KRT78: variants seen among roughly 807,000 people sequenced by gnomAD.
KRT78 encodes the protein keratin, type II cytoskeletal 78.
In KRT78, 55 loss-of-function variants were observed where a neutral mutation model predicts 51.4. The observed-to-expected ratio is 1.07, with a 90% CI of 0.86 to 1.34. The LOEUF is 1.34. Ranked by LOEUF, KRT78 falls within the 40% of genes most tolerant of loss-of-function variation. KRT78 has a pLI of 0.00. For synonymous variants in KRT78, 291 were observed against 264.3 expected (o/e 1.10, Z -0.98); for missense variants, 652 against 649.4 (o/e 1.00, Z -0.04).
chr12:52,847,777 G>A (rs1035880633), intron 2 of KRT78, 130 bp downstream of exon 2: 5 of 724,318 alleles, frequency 6.9e-6, no homozygotes, highest in Non-Finnish European at 6.9e-6. Flanking sequence ...TGGGGACGCG[G>A]AGGGGTAGAG....
Position 52,848,649 on chromosome 12 carries a change from G to A in KRT78, c.282C>T (p.Thr94=). 6.2e-7 allele frequency: 1 copy of A among 1,613,942 alleles called. No homozygotes were observed. The highest frequency in any genetic ancestry group is 8.5e-7 in the Non-Finnish European group (1 of 1,179,928). ...QEVTINQNLL[T]PLKIEIDPQF... is the part of the protein sequence containing the mutation. ...GGGGATCGATCTCAATCTTCAGTGG[G>A]GTCAGCAGATTCTGGTTGATGGTCA... The change falls in exon 1 of 9, where the codon ACC becomes ACT. Residue 94 remains threonine (T), a synonymous_variant. Transcript: ENST00000304620.
intron 6 of KRT78, among the ~76,000 whole-genome samples, chr12:52,843,394 A>G (rs139182134): frequency 7.1e-6 from 1 of 139,988 alleles, no homozygotes; most frequent in African/African-American, 2.7e-5. Flanking sequence ...GAGAAAGAAA[A>G]AGAAAAGAAA....
rs764230707 is a variant in KRT78, at chr12:52,844,134, T to G, written c.1006A>C (p.Ile336Leu). The G allele has an allele frequency of 6.2e-7, 1 of 1,612,520 alleles. No individual in the cohort carries two copies. The highest frequency in any genetic ancestry group is 1.3e-5 in the African/African-American group (1 of 74,714). Reference sequence around the variant, plus strand: ...TCAGTCTGACTCTGCAGCCTCTGAATCTCTTGGTGTAGCTGAGAGATCTGG... The same window carrying G: ...TCAGTCTGACTCTGCAGCCTCTGAAGCTCTTGGTGTAGCTGAGAGATCTGG... ...KVQISQLHQE[I>L]QRLQSQTENL... Residue 336 changes from isoleucine to leucine, a missense_variant, in exon 6 of 9, where the codon ATT (isoleucine) becomes CTT (leucine). By Grantham distance (5) the Ile-to-Leu change is conservative. Coordinates refer to ENST00000304620, the MANE Select transcript of KRT78 (RefSeq NM_173352.4).
intron 6 of KRT78, 32 bp downstream of exon 6, chr12:52,844,061 G>A: frequency 6.2e-7 from 1 of 1,610,454 alleles, no homozygotes; most frequent in Non-Finnish European, 8.5e-7. Flanking sequence ...CAAAGGCAAT[G>A]AGAGGACATT....
chr12:52,844,306 C>A lies in KRT78; in HGVS notation c.922-88G>T, dbSNP rs112839458. The stretch of plus-strand genomic sequence containing the variant: ...ATGTTTGAAAAGCCACCTCTCACTC[C>A]TTATTTGGAGTGTGGGTTAAACGCC... On this transcript the variant is annotated intron_variant, in intron 5 of 8. Coordinates refer to ENST00000304620, the MANE Select transcript of KRT78 (RefSeq NM_173352.4). 1.6e-5 allele frequency: 23 copies of A among 1,463,264 alleles called. No individual in the cohort carries two copies. The South Asian group carries it at 3.1e-4, about 20-fold the overall frequency. The allele number at this position is 1,463,264 out of a possible 1,614,324, so 90.6% of individuals were successfully genotyped here.
chr12:52,848,082 T>G lies in KRT78; in HGVS notation c.424A>C (p.Lys142Gln). 6.2e-7 allele frequency: 1 copy of G among 1,614,152 alleles called. No homozygotes were observed. Among genetic ancestry groups the G allele is most frequent in the Non-Finnish European group, 8.5e-7 (1 of 1,180,022 alleles). The change falls in exon 2 of 9, where the codon AAG becomes CAG. Residue 142 changes from lysine to glutamine, a missense_variant. Coordinates refer to ENST00000304620, the MANE Select transcript of KRT78 (RefSeq NM_173352.4). The part of the protein sequence containing the change: ...LEQQNKVLET[K>Q]WHLLQQQGLS... ...CCCTGTTGCTGCAGCAGATGCCACT[T>G]CGTCTCCAGGACCTTGTTCTGCTGC...
intron 6 of KRT78, among the ~76,000 whole-genome samples, chr12:52,843,812 C>A (rs1592145320): frequency 6.6e-6 from 1 of 152,260 alleles, no homozygotes; most frequent in East Asian, 1.9e-4. Flanking sequence ...ACATAGGCTA[C>A]AATGCTGTCA....
Position 52,848,763 on chromosome 12 carries a change from C to T in KRT78, c.168G>A (p.Trp56Ter), listed in dbSNP as rs200151663. Reference sequence around the variant, plus strand: ...GCACCCCCAGCCTACCCCCTGACCCCCAGGTACTCCCACGAGAGCCTTCCA... The same window carrying T: ...GCACCCCCAGCCTACCCCCTGACCCTCAGGTACTCCCACGAGAGCCTTCCA... ...GCLEGSRGST[W>*]GSGGRLGVRF... The change falls in exon 1 of 9, where the codon TGG becomes TGA. Residue 56 changes from tryptophan to a stop codon, truncating the protein, a stop_gained. Coordinates refer to ENST00000304620, the MANE Select transcript of KRT78 (RefSeq NM_173352.4). LOFTEE classifies it high-confidence loss of function. 1.9e-6 allele frequency: 3 copies of T among 1,612,090 alleles called. No homozygotes were observed.
chr12:52,847,843 CA>C, intron 2 of KRT78, 63 bp downstream of exon 2: 1 of 1,476,994 alleles, frequency 6.8e-7, no homozygotes, highest in Non-Finnish European at 9.4e-7. Flanking sequence ...TCCTGGCTGA[CA>C]GACCCAAACT....
intron 6 of KRT78, among the ~76,000 whole-genome samples, chr12:52,843,550 C>G (rs1449513840): frequency 6.7e-6 from 1 of 148,894 alleles, no homozygotes; most frequent in Non-Finnish European, 1.5e-5. Flanking sequence ...ATTAGCCAAG[C>G]ATGGTGGCAC....
chr12:52,842,959 G>GAGAGAGAGAAAGGAAGGAAGGA (rs1299063277), intron 6 of KRT78, among the ~76,000 whole-genome samples: 2 of 53,760 alleles, frequency 3.7e-5, no homozygotes, highest in African/African-American at 1.2e-4. Flanking sequence ...GAGAGAGAGA[G>GAGAGAGAGAAAGGAAGGAAGGA]AGGAAGGAAG....
chr12:52,839,774 C>T lies in KRT78; in HGVS notation c.1258G>A (p.Glu420Lys), dbSNP rs780356017. 24 of 1,613,864 alleles carry T rather than the reference C, an allele frequency of 1.5e-5. No individual in the cohort carries two copies. Among genetic ancestry groups the T allele is most frequent in the Non-Finnish European group, 1.9e-5 (23 of 1,180,016 alleles). The change falls in exon 7 of 9, where the codon GAG becomes AAG. Residue 420 changes from glutamate to lysine, a missense_variant. By Grantham distance (56) the Glu-to-Lys change is moderately conservative. Coordinates refer to ENST00000304620, the MANE Select transcript of KRT78 (RefSeq NM_173352.4). ...CCAAGCCTCCCTCACCTGCACTCCT[C>T]GCCCTCCAGCAGCCTGCGGTAAGTG... ...IATYRRLLEG[E>K]ECRMSGECTS...
intron 6 of KRT78, among the ~76,000 whole-genome samples, chr12:52,841,486 CAAAAAAA>C (rs56956757): frequency 2.0e-5 from 2 of 98,628 alleles, no homozygotes; most frequent in Non-Finnish European, 4.7e-5. Flanking sequence ...GACTCCTTCT[CAAAAAAA>C]AAAAAAAAGA....
At chr12:52,846,692 C>A in intron 3 of KRT78, 72 bp downstream of exon 3, 1 of 1,380,240 alleles carries the variant, frequency 7.2e-7, no homozygotes, top group Non-Finnish European at 1.0e-6. Context: ...CCTTTTCCCT[C>A]CCAGCCTAGG....
chr12:52,840,328 G>A (rs1297685666), intron 6 of KRT78, among the ~76,000 whole-genome samples: 4 of 152,094 alleles, frequency 2.6e-5, no homozygotes, highest in Non-Finnish European at 5.9e-5. Context: ...TATTTAGGGT[G>A]AGCCCTAAAT....
chr12:52,846,859 C>A (rs1489369439), intron 2 of KRT78, 35 bp from the exon 3 acceptor site: 1 of 1,560,756 alleles, frequency 6.4e-7, no homozygotes, highest in Non-Finnish European at 8.8e-7. Flanking sequence ...CAGTTTGAGG[C>A]TCCACGGTCA....
In KRT78 at chr12:52,839,155, CT is replaced by C; in HGVS notation, c.1520del (p.Lys507ArgfsTer8). The C allele has an allele frequency of 6.2e-7, 1 of 1,613,500 alleles. No individual in the cohort carries two copies. The highest frequency in any genetic ancestry group is 8.5e-7 in the Non-Finnish European group (1 of 1,179,906). ...SAGSSCHTIL[K>X]KTVESSLKTS... ...TCTTCAGACTCGACTCAACTGTCTT[CT>C]TCAGGATGGTGTGGCAGCTGGAGCC... On this transcript the variant is annotated frameshift_variant, in exon 9 of 9. Coordinates refer to ENST00000304620, the MANE Select transcript of KRT78 (RefSeq NM_173352.4). LOFTEE classifies it high-confidence loss of function.
intron 6 of KRT78, among the ~76,000 whole-genome samples, chr12:52,841,658 A>G (rs1239593341): frequency 1.3e-5 from 2 of 152,214 alleles, no homozygotes; most frequent in African/African-American, 4.8e-5. Context: ...GGATAGAAAC[A>G]TAATCTCTAC....
chr12:52,841,255 G>A (rs780743360), intron 6 of KRT78, among the ~76,000 whole-genome samples: 161 of 152,110 alleles, frequency 1.1e-3, no homozygotes, highest in Non-Finnish European at 1.0e-3. Context: ...AGGCTGAGGT[G>A]GGCAGATCAC....
Sources: allele counts gnomAD v4.1 joint callset (sites outside exome capture counted in the v4.1 genomes callset), GRCh38; gene constraint gnomAD v4.1.1; transcripts MANE v1.5; gene names NCBI Gene and HGNC (gene_info 2026-07-23, HGNC 2026-07-21).